Variants in PLEKHA8 observed in about 807,000 individuals in gnomAD.
PLEKHA8 encodes pleckstrin homology domain containing A8, also known as pleckstrin homology domain-containing family A member 8.
PLEKHA8 carries 36 observed loss-of-function variants against 68.2 expected under a neutral mutation model. The ratio of observed to expected loss-of-function variants is 0.53; its 90% CI spans 0.40 to 0.70. The LOEUF (loss-of-function observed/expected upper bound fraction) is 0.70. PLEKHA8 is among the 30% of genes least tolerant of loss of function. The probability of loss-of-function intolerance (pLI) is 0.00; values close to 1 mark genes in which losing one functional copy is unlikely to be tolerated. For synonymous variants in PLEKHA8, 211 were observed against 216.1 expected, an observed-to-expected ratio of 0.98 and a Z score of 0.20; for missense variants, 505 against 615.4, an observed-to-expected ratio of 0.82 and a Z score of 1.90.
chr7:30,102,488 A>G (rs1217890888), intron 13 of PLEKHA8, among the ~76,000 whole-genome samples: 1 of 152,246 alleles, frequency 6.6e-6, no homozygotes, highest in Non-Finnish European at 1.5e-5. Context: ...CCATTGCAGC[A>G]TTATTCACAG....
chr7:30,119,161 C>T (rs979070325), intron 13 of PLEKHA8, among the ~76,000 whole-genome samples: 8 of 152,292 alleles, frequency 5.3e-5, no homozygotes, highest in African/African-American at 9.6e-5. Context: ...TGAGTCACTA[C>T]GGGACCTATC....
intron 13 of PLEKHA8, among the ~76,000 whole-genome samples, chr7:30,115,633 C>G (rs1055145120): frequency 6.6e-6 from 1 of 151,496 alleles, no homozygotes; most frequent in Non-Finnish European, 1.5e-5. Flanking sequence ...TACATGTACA[C>G]ATACATGCAC....
Position 30,052,741 on chromosome 7 carries a change from C to T in PLEKHA8, c.671C>T (p.Ser224Phe), listed in dbSNP as rs372485238. 1.1e-4 allele frequency: 173 copies of T among 1,549,224 alleles called. No individual in the cohort carries two copies. The highest frequency in any genetic ancestry group is 1.4e-4 in the Non-Finnish European group (167 of 1,157,062). ...QMELSTCENG[S>F]LNMEINGEEE... ...GAGTTGAGCACTTGTGAAAATGGAT[C>T]TTTAAATATGGAAATAAATGGTGAG... Residue 224 changes from serine to phenylalanine, a missense_variant, in exon 7 of 14, where the codon TCT becomes TTT. Coordinates refer to ENST00000449726, the MANE Select transcript of PLEKHA8 (RefSeq NM_001197026.2).
intron 13 of PLEKHA8, among the ~76,000 whole-genome samples, chr7:30,098,894 G>A (rs139541264): frequency 0.015 from 2,312 of 152,290 alleles, 29 homozygotes; most frequent in South Asian, 0.056. Context: ...GAAATCACCC[G>A]TCTTCTGCGT....
intron 12 of PLEKHA8, among the ~76,000 whole-genome samples, chr7:30,071,591 C>T (rs1332896867): frequency 6.6e-6 from 1 of 152,190 alleles, no homozygotes; most frequent in Admixed American, 6.5e-5. Flanking sequence ...TATAAACCAT[C>T]AACTTCTTGA....
chr7:30,037,599 TTAACC>T (rs2127963085), intron 1 of PLEKHA8, among the ~76,000 whole-genome samples: 1 of 152,368 alleles, frequency 6.6e-6, no homozygotes, highest in Non-Finnish European at 1.5e-5. Context: ...GTTTAGGGAC[TTAACC>T]TTTTCTTTCT....
At chr7:30,095,714 A>T (rs1424753824), downstream of PLEKHA8, among the ~76,000 whole-genome samples, 1 of 152,208 alleles carries the variant, frequency 6.6e-6, no homozygotes, top group Non-Finnish European at 1.5e-5. Flanking sequence ...AGGTGTAAGG[A>T]AGGGATCCAG....
intron 13 of PLEKHA8, among the ~76,000 whole-genome samples, chr7:30,102,097 A>C (rs1287674280): frequency 6.6e-6 from 1 of 152,214 alleles, no homozygotes; most frequent in African/African-American, 2.4e-5. Flanking sequence ...CAGGAAAACA[A>C]ACAACCCAAT....
intron 13 of PLEKHA8, among the ~76,000 whole-genome samples, chr7:30,116,560 G>T (rs745439592): frequency 2.0e-5 from 3 of 151,992 alleles, no homozygotes; most frequent in Non-Finnish European, 4.4e-5. Context: ...TAGCAACCTA[G>T]AAATAAAAAA....
At position 30,070,115 on chromosome 7, in the gene PLEKHA8, A is replaced by C. The variant is rs564723149; in HGVS notation, c.1301-3956A>C. Among the ~76,000 whole-genome samples, 404 of 151,024 alleles carry C rather than the reference A, an allele frequency of 2.7e-3. 2 individuals are homozygous for C. The highest frequency in any genetic ancestry group is 9.6e-3 in the African/African-American group (394 of 40,974). On this transcript the variant is annotated intron_variant, in intron 12 of 13. Transcript: ENST00000449726. ...GATATTTGCAGCGTAGAAGTCAGCT[A>C]AGGACTTTGGGAAGTGTTTTTTTTT...
intron 2 of PLEKHA8, 78 bp downstream of exon 2, chr7:30,045,279 A>C (rs1791865507): frequency 1.9e-6 from 2 of 1,050,182 alleles, no homozygotes; most frequent in East Asian, 4.8e-5. Flanking sequence ...TGGCCCCTGC[A>C]TACCTTTCTC....
intron 1 of PLEKHA8, among the ~76,000 whole-genome samples, chr7:30,037,686 C>T (rs954831588): frequency 4.0e-5 from 6 of 151,584 alleles, no homozygotes; most frequent in Non-Finnish European, 8.9e-5. Flanking sequence ...ACCTTTCCTT[C>T]ACTTTTTTTC....
At chr7:30,074,243 A>C in intron 13 of PLEKHA8, 111 bp downstream of exon 13, 2 of 754,346 alleles carry the variant, frequency 2.7e-6, no homozygotes, top group Non-Finnish European at 4.1e-6. Context: ...GTCAGAAACA[A>C]AGTTGTGTGT....
At chr7:30,106,901 A>G (rs542645939) in intron 13 of PLEKHA8, among the ~76,000 whole-genome samples, 2 of 152,170 alleles carry the variant, frequency 1.3e-5, no homozygotes, top group South Asian at 2.1e-4. Context: ...TACATAAGGG[A>G]CTTCTGAGCA....
intron 13 of PLEKHA8, among the ~76,000 whole-genome samples, chr7:30,115,501 T>G (rs1027438939): frequency 1.3e-5 from 2 of 151,516 alleles, no homozygotes; most frequent in African/African-American, 2.4e-5. Flanking sequence ...GACATATGTA[T>G]ACATATGTAC....
Position 30,046,273 on chromosome 7 carries a change from A to G in PLEKHA8, c.221A>G (p.Lys74Arg), listed in dbSNP as rs758687922. 184 of 1,613,836 alleles carry G rather than the reference A, an allele frequency of 1.1e-4. No individual in the cohort carries two copies. The highest frequency in any genetic ancestry group is 1.5e-4 in the Non-Finnish European group (174 of 1,179,892). The stretch of plus-strand genomic sequence containing the variant: ...CCTGGGGAACAGTATTTCTACCTGA[A>G]GGCCAGAAGTGTGGCTGAAAGACAG... Reference protein sequence around the residue: ...IIPGEQYFYLKARSVAERQRW... With the variant: ...IIPGEQYFYLRARSVAERQRW... Residue 74 changes from lysine to arginine, a missense_variant, in exon 3 of 14, where the codon AAG becomes AGG. Physicochemically the swap from Lys to Arg is conservative, Grantham distance 26 (BLOSUM62 2). Transcript: ENST00000449726.
chr7:30,059,211 A>C (rs373850650), intron 9 of PLEKHA8, among the ~76,000 whole-genome samples: 3 of 152,318 alleles, frequency 2.0e-5, no homozygotes, highest in African/African-American at 7.2e-5. Flanking sequence ...TGTTCTATCT[A>C]GTTTTTAGTG....
At chr7:30,040,003 T>C (rs949085196) in intron 1 of PLEKHA8, among the ~76,000 whole-genome samples, 2 of 152,232 alleles carry the variant, frequency 1.3e-5, no homozygotes, top group Admixed American at 1.3e-4. Context: ...ACACATTAAC[T>C]ATGGGTTCTT....
chr7:30,093,919 TA>T (rs1795507881), downstream of PLEKHA8, among the ~76,000 whole-genome samples: 2 of 152,242 alleles, frequency 1.3e-5, no homozygotes, highest in Non-Finnish European at 2.9e-5. Flanking sequence ...ACAAATCCTT[TA>T]ACCCCTTGAT....
Sources: gnomAD v4.1 joint callset for allele counts (sites outside exome capture counted in the v4.1 genomes callset) on GRCh38, gnomAD v4.1.1 for gene constraint, MANE v1.5 for transcripts, NCBI Gene and HGNC (gene_info 2026-07-23, HGNC 2026-07-21) for gene names.